The following ZNF701 variants were observed in gnomAD, a reference collection of about 807,000 sequenced individuals.
ZNF701 encodes zinc finger protein 701.
A neutral mutation model predicts 7.1 loss-of-function variants in ZNF701; 6 were observed. That is an observed-to-expected ratio of 0.84 (90% CI 0.46 to 1.66). The LOEUF (loss-of-function observed/expected upper bound fraction) is 1.66. Among genes scored for constraint, ZNF701 ranks in the 40% most tolerant of loss-of-function variants. ZNF701 has a pLI of 0.01. For synonymous variants in ZNF701, 166 were observed against 188.2 expected (o/e 0.88, Z 0.97); for missense variants, 541 against 559.2 (o/e 0.97, Z 0.33).
chr19:52,595,979 A>T, the ZNF701 span: 2 of 1,607,008 alleles, frequency 1.2e-6, no homozygotes, highest in Non-Finnish European at 1.7e-6. Flanking sequence ...GAAGTCTATC[A>T]ATGATGCTTC....
chr19:52,592,864 G>T, the ZNF701 span, among the ~76,000 whole-genome samples: 1 of 63,020 alleles, frequency 1.6e-5, no homozygotes, highest in Admixed American at 1.7e-4. Context: ...ATAGTGGAGG[G>T]AAGGTCAGCA....
chr19:52,599,288 A>G, the ZNF701 span, among the ~76,000 whole-genome samples: 1 of 152,076 alleles, frequency 6.6e-6, no homozygotes, highest in Non-Finnish European at 1.5e-5. Context: ...TTGAAAGGCA[A>G]ACAACAAGGG....
At chr19:52,577,465 A>G (rs1480662548) in intron 3 of ZNF701, among the ~76,000 whole-genome samples, 2 of 144,540 alleles carry the variant, frequency 1.4e-5, no homozygotes, top group Non-Finnish European at 3.0e-5. Flanking sequence ...TCATAATACA[A>G]ATTAGATACA....
At chr19:52,587,835 G>A (rs138966968), downstream of ZNF701, among the ~76,000 whole-genome samples, 20 of 152,276 alleles carry the variant, frequency 1.3e-4, no homozygotes, top group East Asian at 3.9e-3. Context: ...TAATACAATG[G>A]CACTGGTGAT....
chr19:52,578,286 A>G (rs1289989448), intron 3 of ZNF701, among the ~76,000 whole-genome samples: 6 of 147,956 alleles, frequency 4.1e-5, no homozygotes, highest in African/African-American at 1.0e-4. Flanking sequence ...AAAGAAGTGT[A>G]TAGAAGAAAA....
chr19:52,573,682 A>C (rs1273751864), intron 1 of ZNF701, among the ~76,000 whole-genome samples: 1 of 152,026 alleles, frequency 6.6e-6, no homozygotes. Context: ...TACCTGGCTA[A>C]GTTTTTGTAT....
At chr19:52,595,892 C>T in the ZNF701 span, 4 of 1,613,190 alleles carry the variant, frequency 2.5e-6, no homozygotes, top group Non-Finnish European at 3.4e-6. Context: ...TAAAGATCAG[C>T]TTGGATCAAG....
intron 3 of ZNF701, among the ~76,000 whole-genome samples, chr19:52,579,301 T>G (rs1600080083): frequency 7.2e-6 from 1 of 139,272 alleles, no homozygotes; most frequent in Non-Finnish European, 1.5e-5. Context: ...CCAAGGCGGG[T>G]GGATCACCTG....
intron 2 of ZNF701, among the ~76,000 whole-genome samples, chr19:52,574,949 C>CAT (rs35653485): frequency 0.24 from 36,431 of 151,008 alleles, 5,560 homozygotes; most frequent in African/African-American, 0.44. Context: ...ACAAAATTTG[C>CAT]ATATATATAT....
chr19:52,593,414 C>T, the ZNF701 span, among the ~76,000 whole-genome samples: 20 of 110,270 alleles, frequency 1.8e-4, 5 homozygotes, highest in Admixed American at 1.8e-3. Context: ...GGGGGCTGAC[C>T]CCCCCACCTC....
chr19:52,592,308 G>A, the ZNF701 span: 4 of 1,382,580 alleles, frequency 2.9e-6, no homozygotes, highest in Non-Finnish European at 4.0e-6. Context: ...TCTCTTTTGT[G>A]ATGTTGCCCC....
At chr19:52,596,964 C>A in the ZNF701 span, 3 of 754,420 alleles carry the variant, frequency 4.0e-6, no homozygotes, top group Non-Finnish European at 6.7e-6. Context: ...GAAGTCGTCA[C>A]TTTTTTATCA....
chr19:52,592,581 G>C, the ZNF701 span, among the ~76,000 whole-genome samples: 66,140 of 151,624 alleles, frequency 0.44, 14,398 homozygotes, highest in African/African-American at 0.47. Flanking sequence ...AGCTGCGCTT[G>C]TGGTTTTGTG....
chr19:52,587,888 A>G (rs374703226), downstream of ZNF701, among the ~76,000 whole-genome samples: 39 of 152,266 alleles, frequency 2.6e-4, 1 homozygote, highest in African/African-American at 9.1e-4. Flanking sequence ...AGTTTCCTCC[A>G]TATTGAGAAC....
chr19:52,575,746 A>G (rs2059930260), intron 2 of ZNF701, 149 bp from the exon 3 acceptor site: 1 of 562,628 alleles, frequency 1.8e-6, no homozygotes, highest in Admixed American at 3.4e-5. Context: ...CACCACTGGG[A>G]AGACATCATG....
chr19:52,582,064 C>G (rs1031891124), intron 3 of ZNF701, 138 bp from the exon 4 acceptor site: 1 of 669,256 alleles, frequency 1.5e-6, no homozygotes, highest in East Asian at 3.1e-5. Flanking sequence ...GGATCTTACT[C>G]CTTTTGTGTT....
intron 2 of ZNF701, 78 bp from the exon 3 acceptor site, chr19:52,575,817 C>A: frequency 2.1e-6 from 2 of 968,972 alleles, no homozygotes; most frequent in Non-Finnish European, 2.9e-6. Context: ...TCCATGCTTT[C>A]CCCTCTCCTC....
rs1489681991 is a variant in ZNF701 at position 52,583,808 on chromosome 19, C to T, written c.*351C>T. 1.7e-6 allele frequency: 1 copy of T among 589,852 alleles called. No homozygotes were observed. Among genetic ancestry groups the T allele is most frequent in the Non-Finnish European group, 3.2e-6 (1 of 314,224 alleles). 36.5% of individuals were successfully genotyped at this position (589,852 alleles called of 1,614,324 possible). The stretch of plus-strand genomic sequence containing the variant: ...AACTTGACTAATGTAATGATTGTCA[C>T]AAAGTCTTCAGTAATATTACAGCCA... On this transcript the variant is annotated 3_prime_UTR_variant, in exon 4 of 4. Coordinates refer to ENST00000391785, the MANE Select transcript of ZNF701 (RefSeq NM_018260.3).
chr19:52,575,004 C>T (rs959163485), intron 2 of ZNF701, among the ~76,000 whole-genome samples: 1 of 152,182 alleles, frequency 6.6e-6, no homozygotes, highest in South Asian at 2.1e-4. Context: ...GAGTCTCGCT[C>T]TGTTGCCCAG....
Sources: allele counts gnomAD v4.1 joint callset (sites outside exome capture counted in the v4.1 genomes callset), GRCh38; gene constraint gnomAD v4.1.1; transcripts MANE v1.5; gene names NCBI Gene and HGNC (gene_info 2026-07-23, HGNC 2026-07-21).